The following ADARB2 variants were observed in gnomAD, a reference collection of about 807,000 sequenced individuals.
ADARB2 encodes the protein adenosine deaminase RNA specific B2 (inactive), also known as inactive double-stranded RNA-specific editase B2.
A neutral mutation model predicts 62.2 loss-of-function variants in ADARB2; 25 were observed. The ratio of observed to expected loss-of-function variants is 0.40; its 90% CI spans 0.29 to 0.56. The LOEUF is 0.56. ADARB2 is among the 20% of genes least tolerant of loss of function. The pLI is 0.43. For missense variants in ADARB2, 1,071 were observed against 1,077.4 expected, an observed-to-expected ratio of 0.99 and a Z score of 0.08; for synonymous variants, 572 against 500.8, an observed-to-expected ratio of 1.14 and a Z score of -1.90.
chr10:1,405,218 A>G (rs903493777), intron 1 of ADARB2, among the ~76,000 whole-genome samples: 1 of 152,170 alleles, frequency 6.6e-6, no homozygotes, highest in African/African-American at 2.4e-5. Flanking sequence ...CATTTACCAC[A>G]CCTTGACTGT....
chr10:1,380,567 A>G (rs1475755403), intron 1 of ADARB2, among the ~76,000 whole-genome samples: 1 of 152,212 alleles, frequency 6.6e-6, no homozygotes, highest in Non-Finnish European at 1.5e-5. Flanking sequence ...TTTTCTTTTG[A>G]GGCTGAGCCT....
In ADARB2 at chr10:1,556,001, A is replaced by G. The variant is rs533350426; in HGVS notation, c.101-176841T>C. On this transcript the variant is annotated intron_variant, in intron 1 of 9. Coordinates refer to ENST00000381312, the MANE Select transcript of ADARB2 (RefSeq NM_018702.4). ...TGCATGTTAATGAAAGAATGGGGAA[A>G]CATTTGAACATAAGAAATTGTGTTT... 7.9e-5 allele frequency among the ~76,000 whole-genome samples: 12 copies of G among 152,352 alleles called. No individual in the cohort carries two copies. The East Asian group carries it at 2.3e-3, about 29-fold the overall frequency.
At chr10:1,553,698 TA>T (rs1442663262) in intron 1 of ADARB2, among the ~76,000 whole-genome samples, 10 of 152,264 alleles carry the variant, frequency 6.6e-5, no homozygotes, top group African/African-American at 2.2e-4. Context: ...AGCCTAAAAA[TA>T]CATGCTTTTG....
intron 1 of ADARB2, among the ~76,000 whole-genome samples, chr10:1,727,714 C>T (rs903379293): frequency 3.3e-5 from 5 of 152,018 alleles, no homozygotes; most frequent in Non-Finnish European, 7.4e-5. Context: ...GTTGAGATCA[C>T]GGAAGGTTAT....
chr10:1,484,560 A>G (rs909262593), intron 1 of ADARB2, among the ~76,000 whole-genome samples: 2 of 152,232 alleles, frequency 1.3e-5, no homozygotes, highest in African/African-American at 2.4e-5. Context: ...CATTCCTCTT[A>G]TAGACCTGGG....
intron 1 of ADARB2, among the ~76,000 whole-genome samples, chr10:1,419,032 G>A (rs934341736): frequency 1.5e-4 from 23 of 152,174 alleles, no homozygotes; most frequent in African/African-American, 5.6e-4. Context: ...AGACAACACT[G>A]GTTTTCAGAA....
At chr10:1,668,174 G>A (rs1400816855) in intron 1 of ADARB2, among the ~76,000 whole-genome samples, 1 of 152,178 alleles carries the variant, frequency 6.6e-6, no homozygotes, top group Admixed American at 6.5e-5. Context: ...CCCACTGGCC[G>A]CTGGTGCATT....
At chr10:1,263,946 G>A (rs1156384735) in intron 4 of ADARB2, among the ~76,000 whole-genome samples, 2 of 152,144 alleles carry the variant, frequency 1.3e-5, no homozygotes, top group African/African-American at 4.8e-5. Context: ...TTCACACTAC[G>A]CAAGGGTCAG....
chr10:1,462,970 G>A (rs926318075), intron 1 of ADARB2, among the ~76,000 whole-genome samples: 42 of 140,072 alleles, frequency 3.0e-4, no homozygotes, highest in South Asian at 5.0e-4. Context: ...CTCAAAACAC[G>A]TCCTCCACTC....
Position 1,534,042 on chromosome 10 carries a change from GGAGA to G in ADARB2, c.101-154886_101-154883del, listed in dbSNP as rs143736259. Among the ~76,000 whole-genome samples, 885 of 148,170 alleles carry G rather than the reference GGAGA, an allele frequency of 6.0e-3. 43 individuals are homozygous for G. In the East Asian group the frequency reaches 0.13, roughly 22 times the overall value. On this transcript the variant is annotated intron_variant, in intron 1 of 9. Transcript: ENST00000381312. ...TGACTTTGATGGGGGAGGGAGGGAG[GGAGA>G]GAGAGAGAGAGAGAGAGATTGATTT... is the stretch of plus-strand genomic sequence containing the variant.
At chr10:1,661,475 T>C (rs1834247242) in intron 1 of ADARB2, among the ~76,000 whole-genome samples, 1 of 152,196 alleles carries the variant, frequency 6.6e-6, no homozygotes, top group Admixed American at 6.5e-5. Flanking sequence ...TTTCTTTCCT[T>C]CATGGTCTTT....
chr10:1,471,154 A>G (rs12775292), intron 1 of ADARB2, among the ~76,000 whole-genome samples: 17,134 of 152,214 alleles, frequency 0.11, 1,029 homozygotes, highest in Middle Eastern at 0.21. Flanking sequence ...TTCAACCTCA[A>G]AAGAATGGAA....
At chr10:1,701,753 CCAGGCG>C (rs1834823035) in intron 1 of ADARB2, among the ~76,000 whole-genome samples, 1 of 41,380 alleles carries the variant, frequency 2.4e-5, no homozygotes, top group Non-Finnish European at 5.3e-5. Context: ...CACCGGGAGA[CCAGGCG>C]CTAGTCAATA....
At chr10:1,243,948 T>TTCCCCAC (rs1004288855) in intron 4 of ADARB2, among the ~76,000 whole-genome samples, 5 of 152,230 alleles carry the variant, frequency 3.3e-5, no homozygotes, top group Admixed American at 3.3e-4. Context: ...GTGACCAGAC[T>TTCCCCAC]TCCCCACGCC....
At chr10:1,665,979 C>T (rs535684876) in intron 1 of ADARB2, among the ~76,000 whole-genome samples, 2 of 152,196 alleles carry the variant, frequency 1.3e-5, no homozygotes, top group South Asian at 4.2e-4. Context: ...CATTCAGGGA[C>T]CCACAGAGTG....
At chr10:1,320,776 C>CT (rs1455147521) in intron 3 of ADARB2, among the ~76,000 whole-genome samples, 13 of 152,214 alleles carry the variant, frequency 8.5e-5, no homozygotes, top group Non-Finnish European at 1.8e-4. Context: ...TAAAATAATT[C>CT]CTTAAGAAAA....
intron 1 of ADARB2, among the ~76,000 whole-genome samples, chr10:1,673,314 A>ATGTATGTGTGTG (rs1554780176): frequency 8.7e-5 from 13 of 149,592 alleles, no homozygotes; most frequent in Non-Finnish European, 1.6e-4. Flanking sequence ...ATTTCATTTT[A>ATGTATGTGTGTG]TGTGTGTGTG....
chr10:1,512,287 A>G (rs1249179622), intron 1 of ADARB2, among the ~76,000 whole-genome samples: 3 of 152,142 alleles, frequency 2.0e-5, no homozygotes, highest in African/African-American at 7.2e-5. Flanking sequence ...GGATACTAAG[A>G]TGTCAATGCT....
chr10:1,544,029 A>AC (rs1190678746), intron 1 of ADARB2, among the ~76,000 whole-genome samples: 25 of 147,624 alleles, frequency 1.7e-4, no homozygotes, highest in Admixed American at 4.7e-4. Context: ...AAAAAAAAAA[A>AC]CACACAAAAT....
Sources: allele counts gnomAD v4.1 joint callset (sites outside exome capture counted in the v4.1 genomes callset), GRCh38; gene constraint gnomAD v4.1.1; transcripts MANE v1.5; gene names NCBI Gene and HGNC (gene_info 2026-07-23, HGNC 2026-07-21).